Variants in ALCAM observed in about 807,000 individuals in gnomAD.
The protein encoded by ALCAM is activated leukocyte cell adhesion molecule.
In ALCAM, 30 loss-of-function variants were observed where a neutral mutation model predicts 70.9. The observed-to-expected ratio is 0.42, with a 90% CI of 0.32 to 0.57. The LOEUF (loss-of-function observed/expected upper bound fraction) is 0.57. ALCAM is among the 20% of genes least tolerant of loss of function. The probability of loss-of-function intolerance (pLI) is 0.11; values close to 1 mark genes in which losing one functional copy is unlikely to be tolerated. For synonymous variants in ALCAM, 249 were observed against 242.5 expected, an observed-to-expected ratio of 1.03 and a Z score of -0.25; for missense variants, 591 against 695.1, an observed-to-expected ratio of 0.85 and a Z score of 1.68.
rs1406864756 is a variant in ALCAM at position 105,415,870 on chromosome 3, T to C, written c.73+48389T>C. 4.6e-5 allele frequency among the ~76,000 whole-genome samples: 7 copies of C among 152,228 alleles called. No individual in the cohort carries two copies. In the East Asian group the frequency reaches 9.7e-4, roughly 21 times the overall value. ...ATGTAGCTTGTATAGTTAAAACATA[T>C]AGAAACTAAAATATTTTGGGGCCTA... is the stretch of plus-strand genomic sequence containing the variant. On this transcript the variant is annotated intron_variant, in intron 1 of 15. Coordinates refer to ENST00000306107, the MANE Select transcript of ALCAM (RefSeq NM_001627.4).
chr3:105,573,447 G>A (rs1005280349), intron 15 of ALCAM, among the ~76,000 whole-genome samples: 5 of 152,186 alleles, frequency 3.3e-5, no homozygotes, highest in Admixed American at 3.3e-4. Context: ...TTGTGCACGT[G>A]TGTATACATA....
intron 1 of ALCAM, among the ~76,000 whole-genome samples, chr3:105,500,189 A>C (rs1430061087): frequency 1.3e-5 from 2 of 148,308 alleles, no homozygotes; most frequent in African/African-American, 5.0e-5. Flanking sequence ...ACAATACAAA[A>C]ACTCACAAAA....
At chr3:105,451,214 T>C (rs1322986656) in intron 1 of ALCAM, among the ~76,000 whole-genome samples, 1 of 145,742 alleles carries the variant, frequency 6.9e-6, no homozygotes, top group Non-Finnish European at 1.5e-5. Flanking sequence ...GCCTGGACAA[T>C]ATATCAAGAC....
intron 11 of ALCAM, among the ~76,000 whole-genome samples, chr3:105,548,401 A>T (rs148955910): frequency 6.6e-6 from 1 of 151,376 alleles, no homozygotes; most frequent in Non-Finnish European, 1.5e-5. Flanking sequence ...GTACCACTGG[A>T]TTATTTAAAT....
intron 1 of ALCAM, among the ~76,000 whole-genome samples, chr3:105,411,616 G>A (rs1165880887): frequency 6.6e-6 from 1 of 151,948 alleles, no homozygotes; most frequent in Non-Finnish European, 1.5e-5. Flanking sequence ...CCCATCTTAG[G>A]GAATACTGTC....
rs200381456 is a variant in ALCAM at position 105,531,955 on chromosome 3, C to T, written c.395-47C>T. ...GCTGTGAATCAAATCACAGAAGTCCCGTTTTTCTTACATATGTACTTAAAA... is the reference window on the plus strand; with the variant it reads ...GCTGTGAATCAAATCACAGAAGTCCTGTTTTTCTTACATATGTACTTAAAA... On this transcript the variant is annotated intron_variant, in intron 3 of 15. Coordinates refer to ENST00000306107, the MANE Select transcript of ALCAM (RefSeq NM_001627.4). The T allele has an allele frequency of 3.6e-4, 533 of 1,476,574 alleles. 1 individual carries two copies. The African/African-American group carries it at 5.8e-3, about 16-fold the overall frequency. The allele number at this position is 1,476,574 out of a possible 1,614,324, so 91.5% of individuals were successfully genotyped here.
At chr3:105,487,164 C>A (rs1576195609) in intron 1 of ALCAM, among the ~76,000 whole-genome samples, 1 of 151,894 alleles carries the variant, frequency 6.6e-6, no homozygotes, top group South Asian at 2.1e-4. Flanking sequence ...AAAAAACTAA[C>A]CATGAAAAAA....
intron 1 of ALCAM, among the ~76,000 whole-genome samples, chr3:105,381,067 C>T (rs1935507400): frequency 6.6e-6 from 1 of 151,886 alleles, no homozygotes; most frequent in African/African-American, 2.4e-5. Flanking sequence ...CTTAAACCCT[C>T]TTCTGTCCTA....
At chr3:105,390,969 C>T (rs1576128658) in intron 1 of ALCAM, among the ~76,000 whole-genome samples, 1 of 151,970 alleles carries the variant, frequency 6.6e-6, no homozygotes, top group African/African-American at 2.4e-5. Flanking sequence ...TATTTTGGTA[C>T]CTGTACCATG....
intron 1 of ALCAM, among the ~76,000 whole-genome samples, chr3:105,468,908 G>T (rs1197687216): frequency 6.6e-6 from 1 of 151,158 alleles, no homozygotes; most frequent in Non-Finnish European, 1.5e-5. Flanking sequence ...TATTAATCTT[G>T]AGCATGAATG....
At chr3:105,507,581 GT>G (rs202060672) in intron 1 of ALCAM, among the ~76,000 whole-genome samples, 1 of 151,836 alleles carries the variant, frequency 6.6e-6, no homozygotes. Flanking sequence ...GTCCCTTCGT[GT>G]TTTTTTCATG....
chr3:105,458,092 A>AAC (rs1290516235), intron 1 of ALCAM, among the ~76,000 whole-genome samples: 3 of 151,780 alleles, frequency 2.0e-5, no homozygotes, highest in East Asian at 1.9e-4. Context: ...GAAAAAAAAA[A>AAC]AACCAGCTTT....
At chr3:105,570,371 A>G (rs544865062) in intron 14 of ALCAM, among the ~76,000 whole-genome samples, 1 of 152,292 alleles carries the variant, frequency 6.6e-6, no homozygotes, top group African/African-American at 2.4e-5. Context: ...ATTTGATTTT[A>G]AAGGATCAAA....
intron 1 of ALCAM, among the ~76,000 whole-genome samples, chr3:105,399,580 T>C (rs193005218): frequency 6.6e-6 from 1 of 152,266 alleles, no homozygotes; most frequent in East Asian, 1.9e-4. Flanking sequence ...TTATCAGATT[T>C]CAGTATGAAA....
intron 1 of ALCAM, among the ~76,000 whole-genome samples, chr3:105,396,860 A>G (rs1164097711): frequency 1.3e-5 from 2 of 152,052 alleles, no homozygotes; most frequent in African/African-American, 4.8e-5. Context: ...AGCATGTGAG[A>G]TAGTAATTTT....
At chr3:105,430,279 T>C (rs1178895606) in intron 1 of ALCAM, among the ~76,000 whole-genome samples, 1 of 152,000 alleles carries the variant, frequency 6.6e-6, no homozygotes, top group African/African-American at 2.4e-5. Flanking sequence ...TTTTATTCAG[T>C]TTTCTTTTTT....
intron 1 of ALCAM, among the ~76,000 whole-genome samples, chr3:105,466,122 C>G (rs762295254): frequency 7.3e-5 from 11 of 151,384 alleles, no homozygotes; most frequent in Non-Finnish European, 1.2e-4. Context: ...TAAGTGCTAG[C>G]TCAAAGATCA....
intron 14 of ALCAM, among the ~76,000 whole-genome samples, chr3:105,556,492 A>C (rs1940520460): frequency 6.6e-6 from 1 of 152,064 alleles, no homozygotes; most frequent in African/African-American, 2.4e-5. Flanking sequence ...TCTAAAAGTC[A>C]GAAATACCCT....
intron 1 of ALCAM, among the ~76,000 whole-genome samples, chr3:105,516,043 T>C (rs1576214684): frequency 1.3e-5 from 2 of 152,064 alleles, no homozygotes; most frequent in East Asian, 3.9e-4. Flanking sequence ...CTTTTACGGA[T>C]GATGATGCTA....
Sources: gnomAD v4.1 joint callset for allele counts (sites outside exome capture counted in the v4.1 genomes callset) on GRCh38, gnomAD v4.1.1 for gene constraint, MANE v1.5 for transcripts, NCBI Gene and HGNC (gene_info 2026-07-23, HGNC 2026-07-21) for gene names.